The following TUSC3 variants were observed in gnomAD, a reference collection of about 807,000 sequenced individuals.
TUSC3 encodes the protein tumor suppressor candidate 3.
In TUSC3, 45 loss-of-function variants were observed where a neutral mutation model predicts 44.8. That is an observed-to-expected ratio of 1.00 (90% CI 0.79 to 1.29). The LOEUF is 1.29. TUSC3 is among the 50% of genes most tolerant of loss of function. The pLI is 0.00. For missense variants in TUSC3, 519 were observed against 437.9 expected (o/e 1.19, Z -1.65); for synonymous variants, 212 against 152.9 (o/e 1.39, Z -2.85).
At chr8:15,722,689 T>TA in intron 6 of TUSC3, among the ~76,000 whole-genome samples, 1 of 152,228 alleles carries the variant, frequency 6.6e-6, no homozygotes, top group South Asian at 2.1e-4. Context: ...CAGCTCTCTA[T>TA]ATGACTTCTG....
chr8:15,790,988 T>G, the TUSC3 span, among the ~76,000 whole-genome samples: 2 of 152,064 alleles, frequency 1.3e-5, no homozygotes, highest in Non-Finnish European at 2.9e-5. Context: ...AAATGGCACT[T>G]ACACTACCGT....
chr8:15,437,010 A>T (rs544813832), intron 1 of TUSC3, among the ~76,000 whole-genome samples: 1 of 152,326 alleles, frequency 6.6e-6, no homozygotes, highest in East Asian at 1.9e-4. Flanking sequence ...TTGATGCATG[A>T]ACACAGGAAA....
intron 1 of TUSC3, among the ~76,000 whole-genome samples, chr8:15,468,247 C>G (rs1339622634): frequency 3.3e-5 from 5 of 152,144 alleles, no homozygotes; most frequent in Non-Finnish European, 7.4e-5. Context: ...TGGAATCCCA[C>G]AGACAGCTGC....
intron 2 of TUSC3, among the ~76,000 whole-genome samples, chr8:15,486,364 C>G (rs1287228180): frequency 6.6e-6 from 1 of 152,146 alleles, no homozygotes; most frequent in Non-Finnish European, 1.5e-5. Flanking sequence ...CTGGACTATG[C>G]AAAATGACTG....
chr8:15,504,613 A>AT (rs1801024471), intron 2 of TUSC3, among the ~76,000 whole-genome samples: 1 of 20,750 alleles, frequency 4.8e-5, no homozygotes, highest in African/African-American at 2.9e-4. Context: ...ATATATATAT[A>AT]TATATATATT....
intron 2 of TUSC3, among the ~76,000 whole-genome samples, chr8:15,638,635 C>T (rs1433393417): frequency 4.0e-5 from 6 of 150,092 alleles, no homozygotes; most frequent in Admixed American, 2.7e-4. Flanking sequence ...AAGTGATTCC[C>T]CTGCTGCAGC....
chr8:15,832,072 C>T, the TUSC3 span, among the ~76,000 whole-genome samples: 1 of 152,102 alleles, frequency 6.6e-6, no homozygotes. Context: ...CAAACGGAAG[C>T]CCATCAGACT....
chr8:15,437,575 G>A (rs1799965149), intron 1 of TUSC3, among the ~76,000 whole-genome samples: 1 of 152,164 alleles, frequency 6.6e-6, no homozygotes, highest in African/African-American at 2.4e-5. Flanking sequence ...AAACTGTAGT[G>A]CAGATGAGAT....
intron 8 of TUSC3, 140 bp from the exon 9 acceptor site, chr8:15,748,235 A>AT: frequency 1.4e-6 from 1 of 708,684 alleles, no homozygotes. Flanking sequence ...CCTGTATCCA[A>AT]ATACCTGTTT....
intron 5 of TUSC3, among the ~76,000 whole-genome samples, chr8:15,667,468 GTTTA>G (rs1807717833): frequency 6.6e-6 from 1 of 151,512 alleles, no homozygotes. Context: ...TATACCACCT[GTTTA>G]TTAAGTAATG....
chr8:15,785,299 G>A, the TUSC3 span, among the ~76,000 whole-genome samples: 1 of 152,052 alleles, frequency 6.6e-6, no homozygotes, highest in African/African-American at 2.4e-5. Context: ...CTTCACTTTT[G>A]TAACTCACCC....
chr8:15,559,479 G>T (rs201276774), intron 1 of TUSC3, among the ~76,000 whole-genome samples: 1 of 137,942 alleles, frequency 7.2e-6, no homozygotes, highest in Non-Finnish European at 1.6e-5. Context: ...TGTATATTCT[G>T]TTGATTTGGG....
intron 1 of TUSC3, among the ~76,000 whole-genome samples, chr8:15,454,505 C>T (rs1348204076): frequency 6.6e-6 from 1 of 152,152 alleles, no homozygotes; most frequent in African/African-American, 2.4e-5. Context: ...TTTGCTTTGC[C>T]AGGGTTTCTG....
chr8:15,503,829 C>T (rs1385473285), intron 2 of TUSC3, among the ~76,000 whole-genome samples: 2 of 151,858 alleles, frequency 1.3e-5, no homozygotes, highest in African/African-American at 2.4e-5. Context: ...ATGGCAAAAC[C>T]CATCTCTACT....
At chr8:15,598,698 T>A (rs1335174724) in intron 1 of TUSC3, among the ~76,000 whole-genome samples, 4 of 151,926 alleles carry the variant, frequency 2.6e-5, no homozygotes, top group Non-Finnish European at 5.9e-5. Flanking sequence ...ATACAGTATA[T>A]AGCCTTTTCA....
intron 1 of TUSC3, among the ~76,000 whole-genome samples, chr8:15,552,846 AGGT>A (rs1279465354): frequency 2.0e-5 from 3 of 151,712 alleles, no homozygotes; most frequent in Non-Finnish European, 1.5e-5. Flanking sequence ...AGAATAGCTT[AGGT>A]GGGGATGCAA....
intron 2 of TUSC3, among the ~76,000 whole-genome samples, chr8:15,493,504 C>T (rs1800838058): frequency 6.6e-6 from 1 of 152,136 alleles, no homozygotes; most frequent in South Asian, 2.1e-4. Context: ...CTTAAGCGAT[C>T]CTCCCATCCC....
At chr8:15,616,393 C>T (rs988037077) in intron 1 of TUSC3, among the ~76,000 whole-genome samples, 1 of 152,022 alleles carries the variant, frequency 6.6e-6, no homozygotes, top group African/African-American at 2.4e-5. Context: ...GCCTGGCCAA[C>T]ATGGCAAAAC....
intron 6 of TUSC3, among the ~76,000 whole-genome samples, chr8:15,680,250 A>C (rs150959884): frequency 6.6e-6 from 1 of 151,904 alleles, no homozygotes. Context: ...TGTGTCATCT[A>C]TGATTTATTT....
Sources: gnomAD v4.1 joint callset for allele counts (sites outside exome capture counted in the v4.1 genomes callset) on GRCh38, gnomAD v4.1.1 for gene constraint, MANE v1.5 for transcripts, NCBI Gene and HGNC (gene_info 2026-07-23, HGNC 2026-07-21) for gene names.